The following SKAP2 variants were observed in gnomAD, a reference collection of about 807,000 sequenced individuals.
SKAP2 encodes the protein src kinase-associated phosphoprotein 2.
SKAP2 carries 28 observed loss-of-function variants against 54.9 expected under a neutral mutation model. The observed-to-expected ratio is 0.51, with a 90% CI of 0.38 to 0.70. The LOEUF (loss-of-function observed/expected upper bound fraction) is 0.70, where lower values mean the gene tolerates loss of function less well. Among genes scored for constraint, SKAP2 ranks in the 30% least tolerant of loss-of-function variants. SKAP2 has a pLI of 0.00. For synonymous variants in SKAP2, 137 were observed against 134.3 expected, an observed-to-expected ratio of 1.02 and a Z score of -0.14; for missense variants, 356 against 424.1, an observed-to-expected ratio of 0.84 and a Z score of 1.41.
intron 4 of SKAP2, among the ~76,000 whole-genome samples, chr7:26,761,768 C>T (rs1782935416): frequency 6.6e-6 from 1 of 152,184 alleles, no homozygotes; most frequent in Non-Finnish European, 1.5e-5. Flanking sequence ...GGCATGGTGG[C>T]ACACATCTGT....
chr7:26,692,602 T>C (rs1786809355), intron 9 of SKAP2, among the ~76,000 whole-genome samples: 1 of 152,270 alleles, frequency 6.6e-6, no homozygotes, highest in Non-Finnish European at 1.5e-5. Context: ...ATTTTATTCA[T>C]ATTGTTAAAC....
At chr7:26,796,573 G>T (rs1292172473) in intron 4 of SKAP2, among the ~76,000 whole-genome samples, 1 of 152,222 alleles carries the variant, frequency 6.6e-6, no homozygotes, top group Non-Finnish European at 1.5e-5. Context: ...TGCTTGATAT[G>T]TACCATAGAT....
intron 1 of SKAP2, among the ~76,000 whole-genome samples, chr7:26,862,794 G>A (rs944339675): frequency 6.6e-6 from 1 of 151,956 alleles, no homozygotes; most frequent in African/African-American, 2.4e-5. Context: ...GAGGTACCAA[G>A]CTTTAAAACA....
chr7:26,705,465 C>A (rs1787136348), intron 9 of SKAP2, among the ~76,000 whole-genome samples: 2 of 152,128 alleles, frequency 1.3e-5, no homozygotes, highest in Admixed American at 1.3e-4. Context: ...CCTGAACAGT[C>A]TACTTAAGAG....
chr7:26,674,865 A>T (rs976173776), intron 11 of SKAP2, among the ~76,000 whole-genome samples: 2 of 152,208 alleles, frequency 1.3e-5, no homozygotes, highest in African/African-American at 4.8e-5. Context: ...GCTATAGTTA[A>T]TTCCAATTTC....
At chr7:26,791,206 G>C (rs28733208) in intron 4 of SKAP2, among the ~76,000 whole-genome samples, 1 of 152,022 alleles carries the variant, frequency 6.6e-6, no homozygotes, top group South Asian at 2.1e-4. Flanking sequence ...TTTTATTTCT[G>C]TAATACCAAA....
At chr7:26,846,014 C>A (rs1584423679) in intron 3 of SKAP2, among the ~76,000 whole-genome samples, 2 of 152,268 alleles carry the variant, frequency 1.3e-5, no homozygotes, top group East Asian at 3.9e-4. Context: ...TGCTAGTAAA[C>A]ATATTTTGAT....
At chr7:26,717,762 G>A (rs1195788047) in intron 9 of SKAP2, among the ~76,000 whole-genome samples, 2 of 151,202 alleles carry the variant, frequency 1.3e-5, no homozygotes, top group Non-Finnish European at 2.9e-5. Context: ...AACCTCGGGG[G>A]TAGAGGTTGC....
intron 4 of SKAP2, among the ~76,000 whole-genome samples, chr7:26,792,867 C>A (rs1390754111): frequency 3.3e-5 from 5 of 152,130 alleles, no homozygotes; most frequent in Non-Finnish European, 7.4e-5. Flanking sequence ...AGAATGTTTG[C>A]AAGGACTTTT....
chr7:26,710,830 A>T (rs985621536), intron 9 of SKAP2, among the ~76,000 whole-genome samples: 5 of 152,184 alleles, frequency 3.3e-5, no homozygotes, highest in Non-Finnish European at 7.4e-5. Flanking sequence ...TAACCGGTTT[A>T]TAAAGGAGGT....
chr7:26,670,450 A>G (rs1025646391), intron 11 of SKAP2, among the ~76,000 whole-genome samples: 2 of 152,052 alleles, frequency 1.3e-5, no homozygotes, highest in African/African-American at 4.8e-5. Flanking sequence ...AACCTAGAAA[A>G]TGAAACTACC....
intron 9 of SKAP2, among the ~76,000 whole-genome samples, chr7:26,724,635 G>A (rs1238914138): frequency 6.6e-6 from 1 of 152,060 alleles, no homozygotes; most frequent in Non-Finnish European, 1.5e-5. Flanking sequence ...TATTGCTTAT[G>A]ATACCTTTTT....
intron 4 of SKAP2, among the ~76,000 whole-genome samples, chr7:26,820,626 T>A (rs184204579): frequency 6.6e-6 from 1 of 152,104 alleles, no homozygotes; most frequent in African/African-American, 2.4e-5. Context: ...AAATTTAACA[T>A]AGGTCAACAC....
At chr7:26,763,891 T>C (rs1476709293) in intron 4 of SKAP2, among the ~76,000 whole-genome samples, 1 of 152,146 alleles carries the variant, frequency 6.6e-6, no homozygotes, top group East Asian at 1.9e-4. Context: ...ACTACTTGTG[T>C]ATCTAAACAT....
intron 9 of SKAP2, among the ~76,000 whole-genome samples, chr7:26,697,288 C>T (rs1476391491): frequency 6.6e-6 from 1 of 152,066 alleles, no homozygotes; most frequent in Non-Finnish European, 1.5e-5. Context: ...TGTATACACT[C>T]GATCACCTAC....
chr7:26,678,772 A>G (rs1786417302), intron 11 of SKAP2, among the ~76,000 whole-genome samples: 2 of 152,072 alleles, frequency 1.3e-5, no homozygotes, highest in Non-Finnish European at 2.9e-5. Flanking sequence ...TGAATACTCA[A>G]TGAACATCTG....
chr7:26,737,728 C>T (rs1267902698), intron 6 of SKAP2, among the ~76,000 whole-genome samples: 1 of 152,126 alleles, frequency 6.6e-6, no homozygotes, highest in Non-Finnish European at 1.5e-5. Flanking sequence ...AACTCCTAGC[C>T]TGTTTTCCCC....
chr7:26,859,951 G>C (rs767103259), intron 1 of SKAP2, among the ~76,000 whole-genome samples: 3 of 152,130 alleles, frequency 2.0e-5, no homozygotes, highest in Non-Finnish European at 2.9e-5. Context: ...ACCCATATAT[G>C]ACACTTAATC....
chr7:26,728,947 A>G (rs908981832), intron 6 of SKAP2, among the ~76,000 whole-genome samples: 2 of 152,124 alleles, frequency 1.3e-5, no homozygotes, highest in Admixed American at 1.3e-4. Flanking sequence ...TAAAATTCTC[A>G]TCAATGTAAC....
Sources: allele counts gnomAD v4.1 joint callset (sites outside exome capture counted in the v4.1 genomes callset), GRCh38; gene constraint gnomAD v4.1.1; transcripts MANE v1.5; gene names NCBI Gene and HGNC (gene_info 2026-07-23, HGNC 2026-07-21).